Variants in MYO18A observed in about 807,000 individuals in gnomAD.
The protein encoded by MYO18A is myosin XVIIIA, also known as unconventional myosin-XVIIIa.
A neutral mutation model predicts 235.8 loss-of-function variants in MYO18A; 78 were observed. That is an observed-to-expected ratio of 0.33 (90% CI 0.28 to 0.40). MYO18A has a LOEUF of 0.40. Among genes scored for constraint, MYO18A ranks in the 10% least tolerant of loss-of-function variants. MYO18A has a pLI of 1.00. For missense variants in MYO18A, 2,215 were observed against 2,699.3 expected, an observed-to-expected ratio of 0.82 and a Z score of 3.98; for synonymous variants, 977 against 1,077.8, an observed-to-expected ratio of 0.91 and a Z score of 1.83.
At chr17:29,124,026 C>T (rs765184222) in intron 2 of MYO18A, among the ~76,000 whole-genome samples, 4 of 147,646 alleles carry the variant, frequency 2.7e-5, no homozygotes, top group East Asian at 4.1e-4. Context: ...TCAGCCTGGG[C>T]GACAGAGCGA....
Position 29,111,985 on chromosome 17 carries a change from A to ATGCCGCAGCTCC in MYO18A, c.2599-134_2599-123dup. 8.0e-7 allele frequency: 1 copy of ATGCCGCAGCTCC among 1,248,652 alleles called. No individual in the cohort carries two copies. Among genetic ancestry groups the ATGCCGCAGCTCC allele is most frequent in the Non-Finnish European group, 1.1e-6 (1 of 910,590 alleles). 77.3% of individuals were successfully genotyped at this position (1,248,652 alleles called of 1,614,324 possible). On this transcript the variant is annotated intron_variant, in intron 15 of 41. Transcript: ENST00000527372. The surrounding 1 kb of genome is among the most constrained non-coding windows in gnomAD (Gnocchi z 5.1). Reference sequence around the variant, plus strand: ...CATGTGCACACATGCACACACGCACATGCCGCAGCTCCTGCCGCTCACTGC... The same window carrying ATGCCGCAGCTCC: ...CATGTGCACACATGCACACACGCACATGCCGCAGCTCCTGCCGCAGCTCCTGCCGCTCACTGC...
In MYO18A at chr17:29,121,895, G is replaced by A. The variant is rs28556759; in HGVS notation, c.1150C>T (p.His384Tyr). 6,028 of 1,613,856 alleles carry A rather than the reference G, an allele frequency of 3.7e-3. 194 individuals carry two copies. The African/African-American group carries it at 0.069, about 18-fold the overall frequency. The change falls in exon 4 of 42, where the codon CAC becomes TAC. Residue 384 changes from histidine to tyrosine, a missense_variant. Coordinates refer to ENST00000527372, the MANE Select transcript of MYO18A (RefSeq NM_078471.4). The surrounding 1 kb of genome is among the most constrained non-coding windows in gnomAD (Gnocchi z 4.2). ...TCCACATCCAGGATGGCCCCATCGTGGTCCAGCTTCACACGCACCTTCCCC... is the reference window on the plus strand; with the variant it reads ...TCCACATCCAGGATGGCCCCATCGTAGTCCAGCTTCACACGCACCTTCCCC... ...PEGKVRVKLD[H>Y]DGAILDVDED...
intron 2 of MYO18A, among the ~76,000 whole-genome samples, chr17:29,130,474 CCACA>C (rs71135871): frequency 0.064 from 9,133 of 141,840 alleles, 384 homozygotes; most frequent in South Asian, 0.11. Flanking sequence ...GAGGCCTCTC[CCACA>C]CACACACACA....
intron 37 of MYO18A, among the ~76,000 whole-genome samples, chr17:29,089,336 G>A (rs1241374109): frequency 1.5e-5 from 2 of 137,528 alleles, no homozygotes; most frequent in African/African-American, 5.5e-5. Context: ...CAGGGGAATC[G>A]CTTGAACCCG....
In MYO18A at chr17:29,115,669, C is replaced by T. The variant is rs1212366407; in HGVS notation, c.2222G>A (p.Gly741Glu). The T allele has an allele frequency of 2.4e-5, 38 of 1,598,548 alleles. No homozygotes were observed. Among genetic ancestry groups the T allele is most frequent in the Non-Finnish European group, 3.2e-5 (37 of 1,173,768 alleles). ...QGPEESGLGD[G>E]TGPKLSALEC... ...AGCCAAGGGACAAAGGGTACCTGTC[C>T]CATCTCCCAGGCCACTCTCCTCGGG... The change falls in exon 12 of 42, where the codon GGG becomes GAG. Residue 741 changes from glycine to glutamate, a missense_variant. Physicochemically the swap from Gly to Glu is moderately conservative, Grantham distance 98 (BLOSUM62 -2). Coordinates refer to ENST00000527372, the MANE Select transcript of MYO18A (RefSeq NM_078471.4).
intron 41 of MYO18A, chr17:29,079,717 T>C (rs2066069312): frequency 1.0e-6 from 1 of 985,908 alleles, no homozygotes; most frequent in Non-Finnish European, 1.2e-6. Flanking sequence ...CCAGGCCAGG[T>C]GCCACCTACT....
At chr17:29,153,247 G>C (rs539416413) in intron 2 of MYO18A, among the ~76,000 whole-genome samples, 1 of 151,854 alleles carries the variant, frequency 6.6e-6, no homozygotes, top group Admixed American at 6.6e-5. Flanking sequence ...AGCCTCTTGA[G>C]TAACTGGGAC....
In MYO18A at chr17:29,121,964, G is replaced by T. The variant is rs746018676; in HGVS notation, c.1088-7C>A. 1.2e-6 allele frequency: 2 copies of T among 1,613,452 alleles called. No homozygotes were observed. The highest frequency in any genetic ancestry group is 1.7e-5 in the Admixed American group (1 of 60,006). Reference sequence around the variant, plus strand: ...TCAGATTTGAGTTGACTGGCTGCAGGGGAGGGACAGACAGCTGGGATGGGC... The same window carrying T: ...TCAGATTTGAGTTGACTGGCTGCAGTGGAGGGACAGACAGCTGGGATGGGC... On this transcript the variant is annotated splice_region_variant and splice_polypyrimidine_tract_variant and intron_variant, in intron 3 of 41. Coordinates refer to ENST00000527372, the MANE Select transcript of MYO18A (RefSeq NM_078471.4). This position sits in a 1 kb window ranked among gnomAD's most constrained non-coding sequence, Gnocchi z 4.2.
At chr17:29,178,962 T>C (rs563136522) in intron 1 of MYO18A, among the ~76,000 whole-genome samples, 1 of 152,312 alleles carries the variant, frequency 6.6e-6, no homozygotes, top group African/African-American at 2.4e-5. Flanking sequence ...ACAGGGGCAC[T>C]GATGAGGCCT....
chr17:29,159,902 C>G (rs1420072552), intron 2 of MYO18A, among the ~76,000 whole-genome samples: 1 of 152,212 alleles, frequency 6.6e-6, no homozygotes, highest in Non-Finnish European at 1.5e-5. Context: ...AGAAGCTGGC[C>G]TCTAATAAGC....
intron 1 of MYO18A, among the ~76,000 whole-genome samples, chr17:29,173,505 A>G (rs1432133671): frequency 6.6e-6 from 1 of 150,480 alleles, no homozygotes; most frequent in Non-Finnish European, 1.5e-5. Flanking sequence ...CTCCTGCCTC[A>G]GCCTCCCGAG....
chr17:29,093,135 C>T (rs1445855471), intron 32 of MYO18A, 134 bp from the exon 33 acceptor site: 9 of 1,312,432 alleles, frequency 6.9e-6, no homozygotes, highest in Non-Finnish European at 9.3e-6. Context: ...GTCATGCCAA[C>T]CAGCGATAAA....
chr17:29,122,044 A>G (rs2067214102), intron 3 of MYO18A, 87 bp from the exon 4 acceptor site: 2 of 1,505,120 alleles, frequency 1.3e-6, no homozygotes, highest in Admixed American at 3.4e-5. Context: ...CCTCCCCCCC[A>G]CTGCATCACC....
At chr17:29,077,708 G>A in intron 41 of MYO18A, 1 of 152,656 alleles carries the variant, frequency 6.6e-6, no homozygotes, top group Non-Finnish European at 1.5e-5. Context: ...AAGAGGAACT[G>A]CGCTGGTGGC....
In MYO18A at chr17:29,099,130, A is replaced by G. The variant is rs145261167; in HGVS notation, c.3637-161T>C. ...TCATGCTCCCCCTTGCCCCAGGCTC[A>G]CTCCGTCCCTCAAAGGGTGGGCAGC... On this transcript the variant is annotated intron_variant, in intron 22 of 41. Transcript: ENST00000527372. Among the ~76,000 whole-genome samples, 692 of 151,766 alleles carry G rather than the reference A, an allele frequency of 4.6e-3. 6 individuals carry two copies. Among genetic ancestry groups the G allele is most frequent in the African/African-American group, 0.016 (659 of 41,334 alleles).
At chr17:29,080,969 TCTC>T in intron 41 of MYO18A, 1 of 985,312 alleles carries the variant, frequency 1.0e-6, no homozygotes, top group Non-Finnish European at 1.2e-6. Flanking sequence ...GAGGACGGCC[TCTC>T]CTCCACCCCC....
rs540677804 is a variant in MYO18A, at chr17:29,127,911, T to G, written c.1000-5658A>C. On this transcript the variant is annotated intron_variant, in intron 2 of 41. Transcript: ENST00000527372. ...TGCTGCTCTCCAGTGAGGTCTGACT[T>G]CGGGCCGGTGGAGCCTGGGGTCACC... 5.1e-5 allele frequency: 51 copies of G among 993,992 alleles called. No homozygotes were observed. In the East Asian group the frequency reaches 3.5e-3, roughly 68 times the overall value. The allele number at this position is 993,992 out of a possible 1,614,324, so 61.6% of individuals were successfully genotyped here.
In MYO18A at chr17:29,121,273, C is replaced by A; in HGVS notation, c.1372-62G>T. On this transcript the variant is annotated intron_variant, in intron 5 of 41. Coordinates refer to ENST00000527372, the MANE Select transcript of MYO18A (RefSeq NM_078471.4). The surrounding 1 kb of genome is among the most constrained non-coding windows in gnomAD (Gnocchi z 4.2). The stretch of plus-strand genomic sequence containing the variant: ...CTTAGCTGATCCCATTAAGACACCC[C>A]TCACCCCCAAGGTCCACATCTTTCT... The A allele has an allele frequency of 6.6e-7, 1 of 1,512,638 alleles. No individual in the cohort carries two copies. The highest frequency in any genetic ancestry group is 1.2e-5 in the South Asian group (1 of 82,786). The allele number at this position is 1,512,638 out of a possible 1,614,324, so 93.7% of individuals were successfully genotyped here.
In MYO18A at chr17:29,111,771, G is replaced by A. The variant is rs764722757; in HGVS notation, c.2691C>T (p.Leu897=). ...ALVPGASEDT[L]LERLFSYYGP... The stretch of plus-strand genomic sequence containing the variant: ...CATAATAGGAGAAAAGGCGCTCCAG[G>A]AGGGTGTCCTCACTGGCCCCTGGCA... The change falls in exon 16 of 42, where the codon CTC becomes CTT. Residue 897 remains leucine, a synonymous_variant. Transcript: ENST00000527372. The surrounding 1 kb of genome is among the most constrained non-coding windows in gnomAD (Gnocchi z 5.1). The A allele has an allele frequency of 1.4e-5, 23 of 1,613,854 alleles. No individual in the cohort carries two copies. Among genetic ancestry groups the A allele is most frequent in the East Asian group, 2.2e-5 (1 of 44,880 alleles).
Sources: allele counts gnomAD v4.1 joint callset (sites outside exome capture counted in the v4.1 genomes callset), GRCh38; gene constraint gnomAD v4.1.1; non-coding constraint Gnocchi (gnomAD v3.1); transcripts MANE v1.5; gene names NCBI Gene and HGNC (gene_info 2026-07-23, HGNC 2026-07-21).